Variants in RND1 observed in about 807,000 individuals in gnomAD.
RND1 encodes the protein Rho family GTPase 1.
RND1 carries 9 observed loss-of-function variants against 27.1 expected under a neutral mutation model. The observed-to-expected ratio is 0.33, with a 90% CI of 0.20 to 0.58. The LOEUF (loss-of-function observed/expected upper bound fraction) is 0.58. Among genes scored for constraint, RND1 ranks in the 20% least tolerant of loss-of-function variants. The pLI, the probability that RND1 is intolerant of heterozygous loss-of-function variation, is 0.86. For missense variants in RND1, 253 were observed against 292.2 expected, an observed-to-expected ratio of 0.87 and a Z score of 0.98; for synonymous variants, 108 against 115.7, an observed-to-expected ratio of 0.93 and a Z score of 0.43.
In RND1 at chr12:48,864,805, C is replaced by G. The variant is rs779173294; in HGVS notation, c.186G>C (p.Glu62Asp). ...ACLETEEQRV[E>D]LSLWDTSGSP... ...TACCTGAGGTATCCCAGAGACTAAG[C>G]TCCACCCTCTGTTCCTCTGTCTCCA... Residue 62 changes from glutamate (E) to aspartate (D), a missense_variant, in exon 2 of 5, where the codon GAG becomes GAC. By Grantham distance (45) the Glu-to-Asp change is conservative (BLOSUM62 2). Coordinates refer to ENST00000309739, the MANE Select transcript of RND1 (RefSeq NM_014470.4). 1 of 1,613,754 alleles carries G rather than the reference C, an allele frequency of 6.2e-7. No homozygotes were observed. Among genetic ancestry groups the G allele is most frequent in the South Asian group, 1.1e-5 (1 of 91,076 alleles).
chr12:48,864,944 G>C, intron 1 of RND1, 74 bp from the exon 2 acceptor site: 1 of 1,062,834 alleles, frequency 9.4e-7, no homozygotes. Context: ...GGCTACACAC[G>C]CACTCACCAG....
intron 4 of RND1, 148 bp from the exon 5 acceptor site, chr12:48,858,389 C>A: frequency 7.2e-5 from 39 of 540,782 alleles, no homozygotes; most frequent in Non-Finnish European, 9.3e-5. Context: ...ATTATCTTTT[C>A]TTTTTTTTTT....
intron 4 of RND1, among the ~76,000 whole-genome samples, chr12:48,859,898 C>T (rs1323168757): frequency 6.6e-6 from 1 of 152,082 alleles, no homozygotes; most frequent in Non-Finnish European, 1.5e-5. Flanking sequence ...TAGAGTCTCA[C>T]TCTGTTGCCC....
At position 48,861,900 on chromosome 12, in the gene RND1, C is replaced by T. The variant is rs894431585; in HGVS notation, c.318+109G>A. 3 of 732,490 alleles carry T rather than the reference C, an allele frequency of 4.1e-6. No individual in the cohort carries two copies. The African/African-American group carries it at 5.2e-5, about 13-fold the overall frequency. 45.4% of individuals were successfully genotyped at this position (732,490 alleles called of 1,614,324 possible). A position where few individuals can be genotyped will look rare whatever the true frequency, so the allele number is the denominator to read the frequency against. On this transcript the variant is annotated intron_variant, in intron 3 of 4. Transcript: ENST00000309739. ...GTGGCCTTGGGCAAATCTCTTCCTT[C>T]CCTGGCTTCCATTTCTTGATGTTAT... is the stretch of plus-strand genomic sequence containing the variant.
chr12:48,858,452 C>A (rs1471979981), intron 4 of RND1: 3 of 527,166 alleles, frequency 5.7e-6, no homozygotes, highest in Non-Finnish European at 9.9e-6. Context: ...TAAGACGATG[C>A]CTGACTGCAC....
chr12:48,859,709 A>G (rs1203732984), intron 4 of RND1, among the ~76,000 whole-genome samples: 1 of 152,128 alleles, frequency 6.6e-6, no homozygotes, highest in African/African-American at 2.4e-5. Flanking sequence ...AAACATACTG[A>G]GACCTTGTCT....
rs1938867246 is a variant in RND1, at chr12:48,858,020, C to G, written c.675G>C (p.Lys225Asn). 1 of 1,608,362 alleles carries G rather than the reference C, an allele frequency of 6.2e-7. No homozygotes were observed. The highest frequency in any genetic ancestry group is 8.5e-7 in the Non-Finnish European group (1 of 1,177,140). The part of the protein sequence containing the change: ...ELISSTFKKE[K>N]AKSCSIM ...TTCACATAATGGAACAGCTTTTGGC[C>G]TTTTCCTTCTTGAAGGTAGAAGAGA... The change falls in exon 5 of 5, where the codon AAG becomes AAC. Residue 225 changes from lysine (K) to asparagine (N), a missense_variant. Transcript: ENST00000309739.
Position 48,862,091 on chromosome 12 carries a change from G to A in RND1, c.236C>T (p.Pro79Leu), listed in dbSNP as rs1162476145. ...SGSPYYDNVR[P>L]LCYSDSDAVL... ...TGCATCCGAGTCGCTGTAGCAGAGT[G>A]GACGGACATTATCGTAGTAGGGAGA... Residue 79 changes from proline (P) to leucine (L), a missense_variant, in exon 3 of 5, where the codon CCA becomes CTA. Transcript: ENST00000309739. 1 of 1,612,622 alleles carries A rather than the reference G, an allele frequency of 6.2e-7. No homozygotes were observed. Among genetic ancestry groups the A allele is most frequent in the South Asian group, 1.1e-5 (1 of 91,042 alleles).
intron 4 of RND1, among the ~76,000 whole-genome samples, chr12:48,859,500 A>G (rs1167900557): frequency 6.6e-6 from 1 of 152,034 alleles, no homozygotes; most frequent in Non-Finnish European, 1.5e-5. Flanking sequence ...AGATCGCACC[A>G]CTGCACTCCA....
chr12:48,857,973 G>A lies in RND1; in HGVS notation c.*23C>T. 4 of 1,570,346 alleles carry A rather than the reference G, an allele frequency of 2.5e-6. No homozygotes were observed. In the South Asian group the frequency reaches 3.6e-5, roughly 14 times the overall value. On this transcript the variant is annotated 3_prime_UTR_variant, in exon 5 of 5. Coordinates refer to ENST00000309739, the MANE Select transcript of RND1 (RefSeq NM_014470.4). ...ACCCCAAGGGAGGAAGTAGGGGGTT[G>A]TCTCCCCCCTCCAATTTCCACTTCA... is the stretch of plus-strand genomic sequence containing the variant.
intron 1 of RND1, 64 bp downstream of exon 1, chr12:48,865,584 G>T (rs1398740006): frequency 6.5e-7 from 1 of 1,548,222 alleles, no homozygotes; most frequent in Non-Finnish European, 8.7e-7. Flanking sequence ...TGAGCAGGTG[G>T]AAATCTACCC....
At chr12:48,865,477 C>A (rs1034422510) in intron 1 of RND1, 171 bp downstream of exon 1, 1 of 739,534 alleles carries the variant, frequency 1.4e-6, no homozygotes, top group South Asian at 1.6e-5. Flanking sequence ...TCAGGGGAAG[C>A]TAAGGCAGGG....
intron 2 of RND1, among the ~76,000 whole-genome samples, chr12:48,863,739 G>GA (rs1938948760): frequency 6.6e-6 from 1 of 152,096 alleles, no homozygotes; most frequent in Non-Finnish European, 1.5e-5. Flanking sequence ...TTAGAGCATG[G>GA]GAACAACAGC....
At chr12:48,862,796 G>A (rs1467375127) in intron 2 of RND1, among the ~76,000 whole-genome samples, 1 of 152,166 alleles carries the variant, frequency 6.6e-6, no homozygotes, top group Non-Finnish European at 1.5e-5. Flanking sequence ...AGGGAAATAG[G>A]CAATGCAGAC....
intron 4 of RND1, chr12:48,858,459 G>A: frequency 2.0e-6 from 1 of 509,430 alleles, no homozygotes; most frequent in Non-Finnish European, 3.4e-6. Flanking sequence ...ATGCCTGACT[G>A]CACATTATAA....
At position 48,857,657 on chromosome 12, in the gene RND1, A is replaced by G. The variant is rs900182155; in HGVS notation, c.*339T>C. ...GAAACGCTGTGTGGAAGAGGCATGA[A>G]GCTGAAGGTGAGGCTGCTGTAGGCC... On this transcript the variant is annotated 3_prime_UTR_variant, in exon 5 of 5. Transcript: ENST00000309739. 1.5e-5 allele frequency: 3 copies of G among 195,152 alleles called. No individual in the cohort carries two copies. The highest frequency in any genetic ancestry group is 3.1e-5 in the Non-Finnish European group (3 of 96,204). 12.1% of individuals were successfully genotyped at this position (195,152 alleles called of 1,614,324 possible).
Position 48,857,896 on chromosome 12 carries a change from C to T in RND1, c.*100G>A. The stretch of plus-strand genomic sequence containing the variant: ...GCCCTCACCGTGGCCATCTGAAAAA[C>T]TCATGTCCAGTGTCCTAAATTGTCT... On this transcript the variant is annotated 3_prime_UTR_variant, in exon 5 of 5. Transcript: ENST00000309739. The T allele has an allele frequency of 2.1e-5, 30 of 1,440,236 alleles. No homozygotes were observed. The highest frequency in any genetic ancestry group is 2.8e-5 in the Non-Finnish European group (30 of 1,071,988). The allele number at this position is 1,440,236 out of a possible 1,614,324, so 89.2% of individuals were successfully genotyped here. A position where few individuals can be genotyped will look rare whatever the true frequency, so the allele number is the denominator to read the frequency against.
In RND1 at chr12:48,858,394, T is replaced by C. The variant is rs560745219; in HGVS notation, c.454-153A>G. 2,552 of 760,726 alleles carry C rather than the reference T, an allele frequency of 3.4e-3. 47 individuals are homozygous for C. The African/African-American group carries it at 0.041, about 12-fold the overall frequency. 47.1% of individuals were successfully genotyped at this position (760,726 alleles called of 1,614,324 possible). On this transcript the variant is annotated intron_variant, in intron 4 of 4. Coordinates refer to ENST00000309739, the MANE Select transcript of RND1 (RefSeq NM_014470.4). ...AGATTATTCGATTATCTTTTCTTTTTTTTTTTTTTTTTTGGCATACACCCT... is the reference window on the plus strand; with the variant it reads ...AGATTATTCGATTATCTTTTCTTTTCTTTTTTTTTTTTTGGCATACACCCT...
chr12:48,858,803 G>A (rs1275026593), intron 4 of RND1: 1 of 147,566 alleles, frequency 6.8e-6, no homozygotes, highest in Non-Finnish European at 1.5e-5. Flanking sequence ...GAGCCCAGGA[G>A]TTCTGCACTG....
Sources: gnomAD v4.1 joint callset for allele counts (sites outside exome capture counted in the v4.1 genomes callset) on GRCh38, gnomAD v4.1.1 for gene constraint, MANE v1.5 for transcripts, NCBI Gene and HGNC (gene_info 2026-07-23, HGNC 2026-07-21) for gene names.